NSUN6: variants seen among roughly 807,000 people sequenced by gnomAD.
NSUN6 encodes the protein tRNA (cytosine(72)-C(5))-methyltransferase NSUN6.
In NSUN6, 64 loss-of-function variants were observed where a neutral mutation model predicts 58.0. The ratio of observed to expected loss-of-function variants is 1.10; its 90% CI spans 0.90 to 1.36. The LOEUF is 1.36. Ranked by LOEUF, NSUN6 falls within the 40% of genes most tolerant of loss-of-function variation. NSUN6 has a pLI of 0.00. For missense variants in NSUN6, 701 were observed against 550.1 expected (o/e 1.27, Z -2.74); for synonymous variants, 231 against 193.9 (o/e 1.19, Z -1.59).
At chr10:18,596,842 T>G (rs886775730) in intron 6 of NSUN6, among the ~76,000 whole-genome samples, 2 of 152,210 alleles carry the variant, frequency 1.3e-5, no homozygotes, top group African/African-American at 4.8e-5. Context: ...CATTGTTCAC[T>G]TTAATAATTT....
intron 6 of NSUN6, among the ~76,000 whole-genome samples, chr10:18,609,442 C>G (rs2058155393): frequency 6.6e-6 from 1 of 152,078 alleles, no homozygotes; most frequent in South Asian, 2.1e-4. Context: ...CCTAACAGAT[C>G]TGTTCTTCAG....
At chr10:18,639,302 G>A (rs2059322810) in intron 3 of NSUN6, among the ~76,000 whole-genome samples, 2 of 152,106 alleles carry the variant, frequency 1.3e-5, no homozygotes, top group Non-Finnish European at 2.9e-5. Flanking sequence ...AAACCAGCCT[G>A]GCCAATATGG....
intron 1 of NSUN6, among the ~76,000 whole-genome samples, chr10:18,650,085 T>G (rs2131606132): frequency 6.6e-6 from 1 of 152,312 alleles, no homozygotes; most frequent in Middle Eastern, 3.4e-3. Flanking sequence ...AGGACAGGCT[T>G]TGCAATAAAA....
intron 3 of NSUN6, among the ~76,000 whole-genome samples, chr10:18,631,020 C>T (rs1164899905): frequency 6.6e-6 from 1 of 151,832 alleles, no homozygotes; most frequent in Non-Finnish European, 1.5e-5. Context: ...TACTGGCAAA[C>T]CGAATCCAGC....
chr10:18,652,979 C>T, upstream of NSUN6: 1 of 984,842 alleles, frequency 1.0e-6, no homozygotes, highest in South Asian at 4.7e-5. Context: ...AATACCTTGT[C>T]CTTGACCATA....
In NSUN6 at chr10:18,614,439, C is replaced by T; in HGVS notation, c.575+21G>A. On this transcript the variant is annotated intron_variant, in intron 5 of 10. Transcript: ENST00000377304. Reference sequence around the variant, plus strand: ...ACCCACAAAAAGGATGCTGATTTCCCCAAAGCACCTGATGACATACTTCAG... The same window carrying T: ...ACCCACAAAAAGGATGCTGATTTCCTCAAAGCACCTGATGACATACTTCAG... The T allele has an allele frequency of 2.9e-6, 4 of 1,403,316 alleles. No individual in the cohort carries two copies. The South Asian group carries it at 5.0e-5, about 17-fold the overall frequency. 86.9% of individuals were successfully genotyped at this position (1,403,316 alleles called of 1,614,324 possible).
intron 8 of NSUN6, among the ~76,000 whole-genome samples, chr10:18,557,700 GGAATGAAATGGAATGGA>G (rs2055148862): frequency 6.8e-6 from 1 of 146,806 alleles, no homozygotes; most frequent in East Asian, 2.1e-4. Flanking sequence ...AATGGAAAGC[GGAATGAAATGGAATGGA>G]GAATGGAATG....
At chr10:18,611,214 T>G (rs532889137) in intron 5 of NSUN6, among the ~76,000 whole-genome samples, 219 of 152,136 alleles carry the variant, frequency 1.4e-3, no homozygotes, top group Non-Finnish European at 2.4e-3. Context: ...AAAAAATTTT[T>G]TTTAAAAATC....
At chr10:18,644,246 A>T (rs1002556959) in intron 2 of NSUN6, among the ~76,000 whole-genome samples, 5 of 152,198 alleles carry the variant, frequency 3.3e-5, no homozygotes, top group Admixed American at 6.5e-5. Flanking sequence ...AATGGAATAC[A>T]AACCAAGCAT....
chr10:18,624,680 A>G (rs1465686522), intron 3 of NSUN6, among the ~76,000 whole-genome samples: 1 of 149,162 alleles, frequency 6.7e-6, no homozygotes, highest in Non-Finnish European at 1.5e-5. Flanking sequence ...AATGCGGAAG[A>G]AAAAGATCAG....
intron 6 of NSUN6, among the ~76,000 whole-genome samples, chr10:18,606,017 G>A (rs2058035895): frequency 6.6e-6 from 1 of 151,988 alleles, no homozygotes; most frequent in Non-Finnish European, 1.5e-5. Flanking sequence ...GACATGATGG[G>A]GGAAAAAAAG....
Position 18,565,143 on chromosome 10 carries a change from G to A in NSUN6, c.923-13172C>T, listed in dbSNP as rs1214113379. 2.1e-5 allele frequency among the ~76,000 whole-genome samples: 3 copies of A among 142,160 alleles called. No individual in the cohort carries two copies. In the Admixed American group the frequency reaches 2.1e-4, roughly 10 times the overall value. 93.3% of individuals were successfully genotyped at this position (142,160 alleles called of 152,430 possible). On this transcript the variant is annotated intron_variant, in intron 8 of 10. Transcript: ENST00000377304. ...TCTCCATTCTATTCCATTCTCCATTGCATACCATTCTCCATTTCATTCCCT... is the reference window on the plus strand; with the variant it reads ...TCTCCATTCTATTCCATTCTCCATTACATACCATTCTCCATTTCATTCCCT...
At chr10:18,633,199 T>C (rs1416061786) in intron 3 of NSUN6, among the ~76,000 whole-genome samples, 1 of 147,906 alleles carries the variant, frequency 6.8e-6, no homozygotes, top group African/African-American at 2.5e-5. Context: ...AGGTGGGAAT[T>C]GAACAATGGG....
Position 18,546,026 on chromosome 10 carries a change from AAG to A in NSUN6, c.1315_1316del (p.Leu439Ter). Reference protein sequence around the residue: ...VPLPDTDMDSLREARREDMLR... With the variant: ...VPLPDTDMDSXREARREDMLR... ...ACATGTCTTCTCTTCTGGCCTCTCTAAGAGAGTCCATGTCAGTGTCCGGTAAT... is the reference window on the plus strand; with the variant it reads ...ACATGTCTTCTCTTCTGGCCTCTCTAAGAGTCCATGTCAGTGTCCGGTAAT... On this transcript the variant is annotated frameshift_variant, in exon 11 of 11. Coordinates refer to ENST00000377304, the MANE Select transcript of NSUN6 (RefSeq NM_182543.5). LOFTEE classifies it high-confidence loss of function. 2 of 1,593,736 alleles carry A rather than the reference AAG, an allele frequency of 1.3e-6. No homozygotes were observed. The highest frequency in any genetic ancestry group is 1.7e-6 in the Non-Finnish European group (2 of 1,171,580).
At chr10:18,581,951 T>C in intron 8 of NSUN6, among the ~76,000 whole-genome samples, 1 of 152,206 alleles carries the variant, frequency 6.6e-6, no homozygotes, top group East Asian at 1.9e-4. Flanking sequence ...GAATTCTTTC[T>C]TGCAGGAGAT....
At chr10:18,604,896 T>C (rs1398172217) in intron 6 of NSUN6, among the ~76,000 whole-genome samples, 2 of 150,256 alleles carry the variant, frequency 1.3e-5, no homozygotes, top group Non-Finnish European at 3.0e-5. Flanking sequence ...TTTTTTTTTT[T>C]TCTTTTTGAG....
At chr10:18,570,405 T>TTCCCTTCCATTC in intron 8 of NSUN6, among the ~76,000 whole-genome samples, 1 of 151,384 alleles carries the variant, frequency 6.6e-6, no homozygotes, top group Non-Finnish European at 1.5e-5. Context: ...TTCCATTCCA[T>TTCCCTTCCATTC]TCCCTTCCAT....
intron 8 of NSUN6, among the ~76,000 whole-genome samples, chr10:18,570,025 T>G (rs1192647411): frequency 1.1e-5 from 1 of 94,976 alleles, no homozygotes. Context: ...CACTATTCAT[T>G]CCATTCTATT....
chr10:18,593,694 C>A (rs898771880), intron 7 of NSUN6, among the ~76,000 whole-genome samples: 1 of 151,912 alleles, frequency 6.6e-6, no homozygotes. Flanking sequence ...ACATCACACA[C>A]GGGGGCCTGT....
Sources: gnomAD v4.1 joint callset for allele counts (sites outside exome capture counted in the v4.1 genomes callset) on GRCh38, gnomAD v4.1.1 for gene constraint, MANE v1.5 for transcripts, NCBI Gene and HGNC (gene_info 2026-07-23, HGNC 2026-07-21) for gene names.